TTLL7: variants seen among roughly 807,000 people sequenced by gnomAD.
The protein encoded by TTLL7 is tubulin tyrosine ligase like 7.
In TTLL7, 53 loss-of-function variants were observed where a neutral mutation model predicts 120.2. That is an observed-to-expected ratio of 0.44 (90% CI 0.35 to 0.55). TTLL7 has a LOEUF of 0.55. Ranked by LOEUF, TTLL7 falls within the 20% of genes least tolerant of loss-of-function variation. The pLI, the probability that TTLL7 is intolerant of heterozygous loss-of-function variation, is 0.00. For synonymous variants in TTLL7, 353 were observed against 351.7 expected (o/e 1.00, Z -0.04); for missense variants, 803 against 1,054.7 (o/e 0.76, Z 3.31).
chr1:83,880,932 T>C (rs1188045311), intron 20 of TTLL7, among the ~76,000 whole-genome samples: 2 of 151,984 alleles, frequency 1.3e-5, no homozygotes, highest in Non-Finnish European at 2.9e-5. Flanking sequence ...TCAGAAATAA[T>C]GCCGCATATC....
chr1:83,946,884 T>A (rs1257131640), intron 6 of TTLL7, among the ~76,000 whole-genome samples: 1 of 152,176 alleles, frequency 6.6e-6, no homozygotes, highest in Non-Finnish European at 1.5e-5. Context: ...TTATATTTTG[T>A]TATCTCCTTT....
At chr1:83,897,971 C>T (rs1347911042) in intron 18 of TTLL7, among the ~76,000 whole-genome samples, 1 of 151,646 alleles carries the variant, frequency 6.6e-6, no homozygotes, top group Non-Finnish European at 1.5e-5. Context: ...GACATCACAG[C>T]CAAAAGAAGG....
At chr1:83,938,108 A>C in intron 7 of TTLL7, 92 bp from the exon 8 acceptor site, 3 of 1,157,936 alleles carry the variant, frequency 2.6e-6, no homozygotes, top group Non-Finnish European at 3.8e-6. Flanking sequence ...AGACTAAAGA[A>C]AGTTTTAAAG....
At chr1:83,972,417 T>G (rs1011692579) in intron 1 of TTLL7, among the ~76,000 whole-genome samples, 24 of 152,096 alleles carry the variant, frequency 1.6e-4, no homozygotes, top group African/African-American at 5.8e-4. Context: ...TAAGGTTCCA[T>G]GTCTTTCTAT....
chr1:83,977,233 A>G (rs938490716), intron 1 of TTLL7, among the ~76,000 whole-genome samples: 5 of 152,068 alleles, frequency 3.3e-5, no homozygotes, highest in Non-Finnish European at 7.4e-5. Flanking sequence ...ACACAGAACT[A>G]AAATTTACTT....
At position 83,869,866 on chromosome 1, in the gene TTLL7, A is replaced by C. The variant is rs146501001; in HGVS notation, c.*96T>G. 1,002 of 1,411,696 alleles carry C rather than the reference A, an allele frequency of 7.1e-4. 10 individuals are homozygous for C. The African/African-American group carries it at 0.013, about 19-fold the overall frequency. The allele number at this position is 1,411,696 out of a possible 1,614,324, so 87.4% of individuals were successfully genotyped here. A position where few individuals can be genotyped will look rare whatever the true frequency, so the allele number is the denominator to read the frequency against. ...ACATATATATGTCTTATATACATAA[A>C]ACAGCACTTAATGGTCATGTTCTTT... On this transcript the variant is annotated 3_prime_UTR_variant, in exon 21 of 21. Coordinates refer to ENST00000260505, the MANE Select transcript of TTLL7 (RefSeq NM_024686.6).
intron 1 of TTLL7, chr1:83,984,299 AAC>A (rs1652239156): frequency 6.6e-6 from 1 of 152,364 alleles, no homozygotes; most frequent in South Asian, 2.1e-4. Flanking sequence ...GAGAAAAGAG[AAC>A]ACTTATACAC....
rs912682778 is a variant in TTLL7 at position 83,906,262 on chromosome 1, T to A, written c.2127+67A>T. 5 of 1,368,486 alleles carry A rather than the reference T, an allele frequency of 3.7e-6. No individual in the cohort carries two copies. The African/African-American group carries it at 7.4e-5, about 20-fold the overall frequency. The allele number at this position is 1,368,486 out of a possible 1,614,324, so 84.8% of individuals were successfully genotyped here. ...GAGCATAATGCCTTCAGGAAATAAATTTTAATATTTTAAGAAGAATAAAAA... is the reference window on the plus strand; with the variant it reads ...GAGCATAATGCCTTCAGGAAATAAAATTTAATATTTTAAGAAGAATAAAAA... On this transcript the variant is annotated intron_variant, in intron 17 of 20. Transcript: ENST00000260505.
At chr1:83,973,273 T>C (rs957646861) in intron 1 of TTLL7, among the ~76,000 whole-genome samples, 2 of 152,102 alleles carry the variant, frequency 1.3e-5, no homozygotes, top group Non-Finnish European at 2.9e-5. Context: ...GTGTATAAAT[T>C]CATCTTTTTG....
intron 19 of TTLL7, among the ~76,000 whole-genome samples, chr1:83,888,099 C>T (rs1287801890): frequency 6.6e-6 from 1 of 151,940 alleles, no homozygotes; most frequent in African/African-American, 2.4e-5. Context: ...AGCACCACTT[C>T]ATGGGTATCT....
intron 15 of TTLL7, among the ~76,000 whole-genome samples, chr1:83,909,257 CT>C (rs35504029): frequency 2.1e-4 from 25 of 119,792 alleles, no homozygotes; most frequent in South Asian, 7.9e-4. Flanking sequence ...TCACAGATTA[CT>C]TTTTTTTTTC....
In TTLL7 at chr1:83,900,209, C is replaced by T. The variant is rs151259856; in HGVS notation, c.2208+3870G>A. On this transcript the variant is annotated intron_variant, in intron 18 of 20. Coordinates refer to ENST00000260505, the MANE Select transcript of TTLL7 (RefSeq NM_024686.6). Reference sequence around the variant, plus strand: ...ATCACTAACTAGTAAGGAAAGAAGACTACAGAAAGAAGCAGCTAGCTTGCT... The same window carrying T: ...ATCACTAACTAGTAAGGAAAGAAGATTACAGAAAGAAGCAGCTAGCTTGCT... 5.8e-5 allele frequency: 25 copies of T among 428,490 alleles called. No homozygotes were observed. In the East Asian group the frequency reaches 1.4e-3, roughly 23 times the overall value. 26.5% of individuals were successfully genotyped at this position (428,490 alleles called of 1,614,324 possible). A position where few individuals can be genotyped will look rare whatever the true frequency, so the allele number is the denominator to read the frequency against.
At chr1:83,898,593 C>T (rs1265366702) in intron 18 of TTLL7, among the ~76,000 whole-genome samples, 3 of 151,660 alleles carry the variant, frequency 2.0e-5, no homozygotes, top group Admixed American at 1.3e-4. Context: ...TTTTTCAACG[C>T]ACTTTGACTC....
intron 7 of TTLL7, among the ~76,000 whole-genome samples, chr1:83,939,523 G>A (rs187325858): frequency 3.6e-4 from 55 of 152,258 alleles, no homozygotes; most frequent in African/African-American, 1.3e-3. Flanking sequence ...GCAGTTCACT[G>A]CCAGTTAGTC....
intron 1 of TTLL7, among the ~76,000 whole-genome samples, chr1:83,968,933 C>T (rs550572537): frequency 1.3e-5 from 2 of 152,010 alleles, no homozygotes; most frequent in African/African-American, 4.8e-5. Context: ...AAACTATACA[C>T]AAAACTGTAA....
At chr1:83,930,090 C>A (rs1557667392) in intron 9 of TTLL7, among the ~76,000 whole-genome samples, 1 of 152,046 alleles carries the variant, frequency 6.6e-6, no homozygotes, top group Non-Finnish European at 1.5e-5. Flanking sequence ...AGGTTCACCG[C>A]AGAAAAATAA....
At chr1:83,940,084 G>T (rs2100837296) in intron 7 of TTLL7, among the ~76,000 whole-genome samples, 1 of 152,114 alleles carries the variant, frequency 6.6e-6, no homozygotes, top group East Asian at 1.9e-4. Flanking sequence ...TTCTATATAT[G>T]TAAAAACCAA....
intron 20 of TTLL7, among the ~76,000 whole-genome samples, chr1:83,876,557 A>C (rs1042997403): frequency 6.6e-6 from 1 of 152,020 alleles, no homozygotes; most frequent in Non-Finnish European, 1.5e-5. Flanking sequence ...AAGAACTGAC[A>C]TATCAATAAT....
chr1:83,933,658 G>A lies in TTLL7; in HGVS notation c.997C>T (p.Leu333=). Residue 333 remains leucine, a synonymous_variant, in exon 9 of 21, where the codon CTG becomes TTG. Coordinates refer to ENST00000260505, the MANE Select transcript of TTLL7 (RefSeq NM_024686.6). ...CTATCCAACAAAATATCAAATCCCAGGACTTCAAAGCAGACACTTTCGCTT... is the reference window on the plus strand; with the variant it reads ...CTATCCAACAAAATATCAAATCCCAAGACTTCAAAGCAGACACTTTCGCTT... ...PGSESVCFEV[L]GFDILLDRKL... is the part of the protein sequence containing the mutation. 1.2e-6 allele frequency: 2 copies of A among 1,613,644 alleles called. No individual in the cohort carries two copies. The highest frequency in any genetic ancestry group is 1.3e-5 in the African/African-American group (1 of 74,958).
Sources: gnomAD v4.1 joint callset for allele counts (sites outside exome capture counted in the v4.1 genomes callset) on GRCh38, gnomAD v4.1.1 for gene constraint, MANE v1.5 for transcripts, NCBI Gene and HGNC (gene_info 2026-07-23, HGNC 2026-07-21) for gene names.